Variants in OGDHL observed in about 807,000 individuals in gnomAD.
OGDHL encodes oxoglutarate dehydrogenase L.
Under a neutral mutation model 109.6 loss-of-function variants are expected in OGDHL, and 79 were observed. That is an observed-to-expected ratio of 0.72 (90% CI 0.60 to 0.87). OGDHL has a LOEUF of 0.87. Ranked by LOEUF, OGDHL falls within the 40% of genes least tolerant of loss-of-function variation. The pLI is 0.00. For missense variants in OGDHL, 1,275 were observed against 1,362.2 expected (o/e 0.94, Z 1.01); for synonymous variants, 528 against 537.2 (o/e 0.98, Z 0.24).
At chr10:49,754,136 C>T (rs1842776270) in intron 3 of OGDHL, among the ~76,000 whole-genome samples, 1 of 152,120 alleles carries the variant, frequency 6.6e-6, no homozygotes. Flanking sequence ...AAGTAATGAT[C>T]AAACCAATAG....
At chr10:49,737,071 T>A (rs1387166885) in intron 20 of OGDHL, among the ~76,000 whole-genome samples, 1 of 152,124 alleles carries the variant, frequency 6.6e-6, no homozygotes, top group Non-Finnish European at 1.5e-5. Flanking sequence ...CATCCCTGCA[T>A]CTCAGGTGAA....
intron 1 of OGDHL, among the ~76,000 whole-genome samples, chr10:49,759,805 C>A (rs1423341837): frequency 1.3e-5 from 2 of 152,206 alleles, no homozygotes; most frequent in Admixed American, 6.5e-5. Flanking sequence ...AGGACCACCC[C>A]ACAAGGGGTC....
rs77109156 is a variant in OGDHL, at chr10:49,740,636, C to T, written c.2140+74G>A. ...TCTCGCCCCTCCCAGGCCCTGGCCCCGGTCCCTTCCCAGCCCATCTCTTGT... is the reference window on the plus strand; with the variant it reads ...TCTCGCCCCTCCCAGGCCCTGGCCCTGGTCCCTTCCCAGCCCATCTCTTGT... On this transcript the variant is annotated intron_variant, in intron 16 of 22. Coordinates refer to ENST00000374103, the MANE Select transcript of OGDHL (RefSeq NM_018245.3). 13,274 of 1,539,890 alleles carry T rather than the reference C, an allele frequency of 8.6e-3. 668 individuals are homozygous for T. In the African/African-American group the frequency reaches 0.13, roughly 15 times the overall value.
In OGDHL at chr10:49,750,961, T is replaced by C. The variant is rs748499159; in HGVS notation, c.774A>G (p.Lys258=). 1 of 1,607,094 alleles carries C rather than the reference T, an allele frequency of 6.2e-7. No individual in the cohort carries two copies. The highest frequency in any genetic ancestry group is 2.2e-5 in the East Asian group (1 of 44,696). The stretch of plus-strand genomic sequence containing the variant: ...GGCCAAACCGCTTCTCTGAGGACCA[T>C]TTCCGGGCCAGGAAGTCTTCAAACC... ...SMRFEDFLAR[K]WSSEKRFGLE... The change falls in exon 7 of 23, where the codon AAA becomes AAG. Residue 258 remains lysine (K), a synonymous_variant. Coordinates refer to ENST00000374103, the MANE Select transcript of OGDHL (RefSeq NM_018245.3).
At chr10:49,751,025 T>A (rs1015187613) in intron 6 of OGDHL, 40 bp from the exon 7 acceptor site, 1 of 1,541,878 alleles carries the variant, frequency 6.5e-7, no homozygotes, top group African/African-American at 1.4e-5. Flanking sequence ...GGGAAAGGGA[T>A]GGAGAGGGAG....
rs377622744 is a variant in OGDHL, at chr10:49,747,091, G to A, written c.1105C>T (p.Pro369Ser). 12 of 1,614,036 alleles carry A rather than the reference G, an allele frequency of 7.4e-6. No homozygotes were observed. In the African/African-American group the frequency reaches 1.5e-4, roughly 20 times the overall value. ...ANPSHLEAVD[P>S]VVQGKTKAEQ... ...GCCTTTGTCTTCCCCTGCACCACAG[G>A]GTCCACTGCCTCCAGGTGGGAGGGG... Residue 369 changes from proline to serine, a missense_variant, in exon 9 of 23, where the codon CCT (proline) becomes TCT (serine). Physicochemically the swap from Pro to Ser is moderately conservative, Grantham distance 74. Coordinates refer to ENST00000374103, the MANE Select transcript of OGDHL (RefSeq NM_018245.3).
chr10:49,742,976 G>C lies in OGDHL; in HGVS notation c.1864C>G (p.Leu622Val), dbSNP rs1841900295. 4 of 1,612,524 alleles carry C rather than the reference G, an allele frequency of 2.5e-6. No homozygotes were observed. Among genetic ancestry groups the C allele is most frequent in the Non-Finnish European group, 3.4e-6 (4 of 1,179,918 alleles). Residue 622 changes from leucine to valine, a missense_variant and splice_region_variant, in exon 15 of 23, where the codon CTC becomes GTC. Transcript: ENST00000374103. The stretch of plus-strand genomic sequence containing the variant: ...GCACGGCCCCGCAGAATGCGAGAGA[G>C]GCCTGTGGGAAAGGAGTGCTGGCCT... ...PLEDFKIHTG[L>V]SRILRGRADM...
At chr10:49,752,605 C>T (rs74671228) in intron 4 of OGDHL, 33 bp downstream of exon 4, 2 of 1,564,130 alleles carry the variant, frequency 1.3e-6, no homozygotes, top group Non-Finnish European at 1.8e-6. Context: ...ACCCACACAG[C>T]ACTGCCATGG....
rs139867430 is a variant in OGDHL, at chr10:49,744,042, C to T, written c.1813G>A (p.Gly605Ser). The change falls in exon 14 of 23, where the codon GGC (glycine) becomes AGC (serine). Residue 605 changes from glycine to serine, a missense_variant. Transcript: ENST00000374103. Reference protein sequence around the residue: ...GIPEDMLTHIGSVASSVPLED... With the variant: ...GIPEDMLTHISSVASSVPLED... The stretch of plus-strand genomic sequence containing the variant: ...AGGGGCACAGAGCTGGCCACACTGC[C>T]GATGTGGGTGAGCATGTCCTCAGGG... 8 of 1,613,968 alleles carry T rather than the reference C, an allele frequency of 5.0e-6. No individual in the cohort carries two copies. The highest frequency in any genetic ancestry group is 2.2e-5 in the East Asian group (1 of 44,896).
intron 3 of OGDHL, among the ~76,000 whole-genome samples, chr10:49,754,583 C>T (rs1187924829): frequency 6.6e-6 from 1 of 151,764 alleles, no homozygotes; most frequent in Non-Finnish European, 1.5e-5. Flanking sequence ...ACCATTTTTG[C>T]AACCCCTAGT....
intron 15 of OGDHL, among the ~76,000 whole-genome samples, chr10:49,741,401 C>A (rs186055908): frequency 6.6e-6 from 1 of 152,042 alleles, no homozygotes; most frequent in African/African-American, 2.4e-5. Context: ...TGGGCCCTGG[C>A]TGGAGCAAGA....
chr10:49,744,176 C>G lies in OGDHL; in HGVS notation c.1733-54G>C, dbSNP rs112109065. On this transcript the variant is annotated intron_variant, in intron 13 of 22. Coordinates refer to ENST00000374103, the MANE Select transcript of OGDHL (RefSeq NM_018245.3). ...TGTGTCAGTGGTGGGTTCTGATCCCCCTGGCCAGCCTGCCTCCCCAGGACT... is the reference window on the plus strand; with the variant it reads ...TGTGTCAGTGGTGGGTTCTGATCCCGCTGGCCAGCCTGCCTCCCCAGGACT... 7.0e-4 allele frequency: 1,107 copies of G among 1,591,028 alleles called. 10 individuals carry two copies. In the African/African-American group the frequency reaches 0.012, roughly 18 times the overall value.
At position 49,736,015 on chromosome 10, in the gene OGDHL, C is replaced by T. The variant is rs1377870640; in HGVS notation, c.2909+8G>A. ...AGGTGAGGGGCAATCAGCGGCCCCA[C>T]CATGTACCATATGGGCCGTGCGCGC... On this transcript the variant is annotated splice_region_variant and intron_variant, in intron 22 of 22. Transcript: ENST00000374103. 5.1e-6 allele frequency: 8 copies of T among 1,565,698 alleles called. No individual in the cohort carries two copies. Among genetic ancestry groups the T allele is most frequent in the South Asian group, 2.5e-5 (2 of 81,374 alleles).
chr10:49,758,511 C>T lies in OGDHL; in HGVS notation c.82G>A (p.Gly28Ser). ...LLAAHDVPVF[G>S]WRSRSSGPPA... ...GGCCCGGAGGACCTGCTGCGCCAGCCAAACACCGGGACGTCATGTGCAGCC... is the reference window on the plus strand; with the variant it reads ...GGCCCGGAGGACCTGCTGCGCCAGCTAAACACCGGGACGTCATGTGCAGCC... The change falls in exon 2 of 23, where the codon GGC (glycine) becomes AGC (serine). Residue 28 changes from glycine to serine, a missense_variant. Gly to Ser is a moderately conservative substitution (Grantham distance 56, BLOSUM62 0). Transcript: ENST00000374103. 1 of 1,613,938 alleles carries T rather than the reference C, an allele frequency of 6.2e-7. No homozygotes were observed. The highest frequency in any genetic ancestry group is 8.5e-7 in the Non-Finnish European group (1 of 1,180,024).
rs1327287512 is a variant in OGDHL, at chr10:49,738,366, C to T, written c.2320-104G>A. On this transcript the variant is annotated intron_variant, in intron 17 of 22. Coordinates refer to ENST00000374103, the MANE Select transcript of OGDHL (RefSeq NM_018245.3). ...GGGGAAAGTCTGGAGGGCTTCTCAG[C>T]AGAGGTGCCCTCACCCTGGAGCCTG... 2.6e-6 allele frequency: 3 copies of T among 1,171,524 alleles called. No homozygotes were observed. The Admixed American group carries it at 5.8e-5, about 23-fold the overall frequency. 72.6% of individuals were successfully genotyped at this position (1,171,524 alleles called of 1,614,324 possible). A position where few individuals can be genotyped will look rare whatever the true frequency, so the allele number is the denominator to read the frequency against.
chr10:49,735,381 G>A, intron 22 of OGDHL, 30 bp from the exon 23 acceptor site: 1 of 1,606,176 alleles, frequency 6.2e-7, no homozygotes, highest in Non-Finnish European at 8.5e-7. Context: ...CTAAGGGGAA[G>A]GCGGGGCCTA....
At chr10:49,757,597 A>C (rs1209052092) in intron 2 of OGDHL, among the ~76,000 whole-genome samples, 3 of 152,216 alleles carry the variant, frequency 2.0e-5, no homozygotes. Flanking sequence ...ACAGTCAGAG[A>C]CTAGAAATGA....
At position 49,736,035 on chromosome 10, in the gene OGDHL, G is replaced by A; in HGVS notation, c.2897C>T (p.Ala966Val). The change falls in exon 22 of 23, where the codon GCA becomes GTA. Residue 966 changes from alanine to valine, a missense_variant. Coordinates refer to ENST00000374103, the MANE Select transcript of OGDHL (RefSeq NM_018245.3). ...SPRFMTILRR[A>V]RPIWYVGRDP... Reference sequence around the variant, plus strand: ...CCCCACCATGTACCATATGGGCCGTGCGCGCCTCAGGATGGTCATGAAGCG... The same window carrying A: ...CCCCACCATGTACCATATGGGCCGTACGCGCCTCAGGATGGTCATGAAGCG... 6.3e-7 allele frequency: 1 copy of A among 1,587,602 alleles called. No individual in the cohort carries two copies. Among genetic ancestry groups the A allele is most frequent in the Non-Finnish European group, 8.6e-7 (1 of 1,167,702 alleles).
chr10:49,737,965 C>G lies in OGDHL; in HGVS notation c.2499G>C (p.Leu833=). The change falls in exon 19 of 23, where the codon CTG becomes CTC. Residue 833 remains leucine, a synonymous_variant. Coordinates refer to ENST00000374103, the MANE Select transcript of OGDHL (RefSeq NM_018245.3). ...NYFHVLRRQI[L]LPFRKPLIIF... is the part of the protein sequence containing the mutation. ...GACTCACCGGCTTGCGGAAGGGCAGCAGGATCTGCCGGCGCAGCACGTGGA... is the reference window on the plus strand; with the variant it reads ...GACTCACCGGCTTGCGGAAGGGCAGGAGGATCTGCCGGCGCAGCACGTGGA... The G allele has an allele frequency of 3.1e-6, 5 of 1,614,142 alleles. No individual in the cohort carries two copies. Among genetic ancestry groups the G allele is most frequent in the Non-Finnish European group, 4.2e-6 (5 of 1,180,040 alleles).
Sources: allele counts gnomAD v4.1 joint callset (sites outside exome capture counted in the v4.1 genomes callset), GRCh38; gene constraint gnomAD v4.1.1; transcripts MANE v1.5; gene names NCBI Gene and HGNC (gene_info 2026-07-23, HGNC 2026-07-21).